Variants in ERC2 observed in about 807,000 individuals in gnomAD.
The protein encoded by ERC2 is ELKS/RAB6-interacting/CAST family member 2, also known as ERC protein 2.
In ERC2, 42 loss-of-function variants were observed where a neutral mutation model predicts 114.8. The ratio of observed to expected loss-of-function variants is 0.37; its 90% confidence interval spans 0.29 to 0.47. The LOEUF (loss-of-function observed/expected upper bound fraction) is 0.47. Ranked by LOEUF, ERC2 falls within the 20% of genes least tolerant of loss-of-function variation. The pLI is 0.99. For synonymous variants in ERC2, 454 were observed against 425.5 expected, an observed-to-expected ratio of 1.07 and a Z score of -0.82; for missense variants, 939 against 1,150.7, an observed-to-expected ratio of 0.82 and a Z score of 2.66.
chr3:56,002,934 A>T (rs2149551435), intron 10 of ERC2, among the ~76,000 whole-genome samples: 1 of 152,278 alleles, frequency 6.6e-6, no homozygotes, highest in Middle Eastern at 3.4e-3. Context: ...TCACATTCAA[A>T]AGAAATGGCA....
chr3:56,418,502 ATGTAACT>A (rs1318104269), intron 2 of ERC2, among the ~76,000 whole-genome samples: 3 of 152,174 alleles, frequency 2.0e-5, no homozygotes, highest in African/African-American at 7.2e-5. Flanking sequence ...CACTTGCTAA[ATGTAACT>A]TTTTGACAAG....
chr3:56,224,749 C>T (rs2050141577), intron 3 of ERC2, among the ~76,000 whole-genome samples: 1 of 152,154 alleles, frequency 6.6e-6, no homozygotes, highest in African/African-American at 2.4e-5. Context: ...CAGACAACTG[C>T]ACATTATTCT....
At chr3:56,091,349 T>C (rs112732985) in intron 6 of ERC2, among the ~76,000 whole-genome samples, 1 of 152,164 alleles carries the variant, frequency 6.6e-6, no homozygotes, top group African/African-American at 2.4e-5. Flanking sequence ...CTGGAAAAAC[T>C]CAGTAGATAG....
At chr3:55,564,448 C>T (rs1249884736) in intron 17 of ERC2, among the ~76,000 whole-genome samples, 1 of 152,156 alleles carries the variant, frequency 6.6e-6, no homozygotes, top group Non-Finnish European at 1.5e-5. Context: ...TGCGCTTTAT[C>T]ATAAGTTGTT....
chr3:55,676,916 G>T (rs940540759), intron 17 of ERC2, among the ~76,000 whole-genome samples: 1 of 152,170 alleles, frequency 6.6e-6, no homozygotes, highest in African/African-American at 2.4e-5. Context: ...TTCTCAGCCA[G>T]ATTTCAGGTC....
At chr3:56,393,555 GCTGT>G (rs926913650) in intron 2 of ERC2, among the ~76,000 whole-genome samples, 38 of 152,226 alleles carry the variant, frequency 2.5e-4, no homozygotes, top group African/African-American at 8.7e-4. Context: ...TGTTTGTGTA[GCTGT>G]CTATTTAGGA....
chr3:55,669,246 G>T (rs888935357), intron 17 of ERC2, among the ~76,000 whole-genome samples: 1 of 152,144 alleles, frequency 6.6e-6, no homozygotes, highest in Non-Finnish European at 1.5e-5. Context: ...CACTTTTCAT[G>T]TGATTTCTGA....
At chr3:56,114,492 C>A (rs1298587506) in intron 6 of ERC2, among the ~76,000 whole-genome samples, 1 of 152,142 alleles carries the variant, frequency 6.6e-6, no homozygotes, top group Non-Finnish European at 1.5e-5. Context: ...CATGTCATGG[C>A]CAGGAACTCA....
At chr3:56,152,458 C>T (rs1450489512) in intron 4 of ERC2, among the ~76,000 whole-genome samples, 1 of 151,930 alleles carries the variant, frequency 6.6e-6, no homozygotes, top group East Asian at 1.9e-4. Context: ...CTGCCAGCTT[C>T]TGTCACTCAA....
intron 17 of ERC2, among the ~76,000 whole-genome samples, chr3:55,608,664 T>C (rs2058751584): frequency 6.6e-6 from 1 of 152,212 alleles, no homozygotes; most frequent in South Asian, 2.1e-4. Flanking sequence ...TTAAACACCC[T>C]TGCTTCATTT....
At chr3:55,603,385 C>A (rs1360077033) in intron 17 of ERC2, among the ~76,000 whole-genome samples, 1 of 152,164 alleles carries the variant, frequency 6.6e-6, no homozygotes, top group Non-Finnish European at 1.5e-5. Flanking sequence ...GTAATCCCAG[C>A]ACTTTGGGAG....
At chr3:55,894,559 G>C (rs1359212576) in intron 13 of ERC2, among the ~76,000 whole-genome samples, 1 of 152,040 alleles carries the variant, frequency 6.6e-6, no homozygotes, top group Non-Finnish European at 1.5e-5. Flanking sequence ...TACCCAACAG[G>C]TACTTCTTCA....
At chr3:56,036,942 A>G (rs1205288855) in intron 7 of ERC2, among the ~76,000 whole-genome samples, 2 of 152,166 alleles carry the variant, frequency 1.3e-5, no homozygotes, top group East Asian at 1.9e-4. Context: ...TAGCAGCCCT[A>G]TAGAAGACGG....
intron 14 of ERC2, among the ~76,000 whole-genome samples, chr3:55,851,949 A>C (rs1413602696): frequency 2.0e-5 from 3 of 152,234 alleles, no homozygotes; most frequent in Admixed American, 2.0e-4. Flanking sequence ...CAGGCCGGGT[A>C]CAGCGGCTCA....
intron 8 of ERC2, among the ~76,000 whole-genome samples, chr3:56,014,947 A>C (rs2073205292): frequency 6.6e-6 from 1 of 152,194 alleles, no homozygotes; most frequent in African/African-American, 2.4e-5. Context: ...CTCTCCCCAA[A>C]AAGTCATCTT....
At chr3:56,467,323 C>G (rs2063590775) in intron 1 of ERC2, among the ~76,000 whole-genome samples, 1 of 152,208 alleles carries the variant, frequency 6.6e-6, no homozygotes. Context: ...CGACAATTCA[C>G]CGCTCGGGGA....
intron 12 of ERC2, among the ~76,000 whole-genome samples, chr3:55,965,702 G>A (rs1043499139): frequency 1.3e-5 from 2 of 152,146 alleles, no homozygotes; most frequent in Non-Finnish European, 2.9e-5. Context: ...GGGGGTTACG[G>A]TAATTTATGC....
intron 8 of ERC2, among the ~76,000 whole-genome samples, chr3:56,018,139 A>T (rs1234552396): frequency 6.6e-6 from 1 of 152,214 alleles, no homozygotes; most frequent in Non-Finnish European, 1.5e-5. Flanking sequence ...ATAACATTAC[A>T]TCTACTATTC....
At chr3:55,756,823 G>C (rs2067090718) in intron 14 of ERC2, among the ~76,000 whole-genome samples, 1 of 151,746 alleles carries the variant, frequency 6.6e-6, no homozygotes, top group Admixed American at 6.6e-5. Context: ...CTGTACCCAA[G>C]ACAAAGAAAA....
Sources: allele counts gnomAD v4.1 joint callset (sites outside exome capture counted in the v4.1 genomes callset), GRCh38; gene constraint gnomAD v4.1.1; transcripts MANE v1.5; gene names NCBI Gene and HGNC (gene_info 2026-07-23, HGNC 2026-07-21).